Variants in TRIP6 observed in about 807,000 individuals in gnomAD.
TRIP6 encodes the protein thyroid receptor-interacting protein 6.
TRIP6 carries 33 observed loss-of-function variants against 51.9 expected under a neutral mutation model. That is an observed-to-expected ratio of 0.64 (90% CI 0.48 to 0.85). The LOEUF is 0.85. Ranked by LOEUF, TRIP6 falls within the 40% of genes least tolerant of loss-of-function variation. TRIP6 has a pLI of 0.00. For missense variants in TRIP6, 661 were observed against 652.1 expected, an observed-to-expected ratio of 1.01 and a Z score of -0.15; for synonymous variants, 255 against 275.8, an observed-to-expected ratio of 0.92 and a Z score of 0.75.
chr7:100,871,051 T>C, intron 6 of TRIP6: 1 of 556,548 alleles, frequency 1.8e-6, no homozygotes, highest in Non-Finnish European at 3.4e-6. Context: ...TTTGTTTTTT[T>C]TTGAGACAGT....
rs763400764 is a variant in TRIP6, at chr7:100,871,740, C to T, written c.1178+19C>T. The T allele has an allele frequency of 1.2e-6, 2 of 1,609,526 alleles. No individual in the cohort carries two copies. Among genetic ancestry groups the T allele is most frequent in the Non-Finnish European group, 1.7e-6 (2 of 1,176,946 alleles). On this transcript the variant is annotated intron_variant, in intron 7 of 8. Coordinates refer to ENST00000200457, the MANE Select transcript of TRIP6 (RefSeq NM_003302.3). ...TTCACAGGTCAGGCCTGGCCTCCAC[C>T]TTGTCTCACAATGTCTGACCTTTCC...
At chr7:100,868,468 C>A in intron 3 of TRIP6, 27 bp from the exon 4 acceptor site, 1 of 1,612,918 alleles carries the variant, frequency 6.2e-7, no homozygotes, top group Non-Finnish European at 8.5e-7. Flanking sequence ...TCCTTGCTTA[C>A]GACTTCTGGC....
chr7:100,867,552 C>T lies in TRIP6; in HGVS notation c.55C>T (p.Gln19Ter). The change falls in exon 1 of 9, where the codon CAG becomes TAG. Residue 19 changes from glutamine to a stop codon, truncating the protein, a stop_gained. Transcript: ENST00000200457. LOFTEE classifies it high-confidence loss of function. This position sits in a 1 kb window ranked among gnomAD's most constrained non-coding sequence, Gnocchi z 5.4. ...PKQPEPARAP[Q>*]GRAIPRGTPG... ...GCAGCCGGAGCCCGCCAGAGCCCCT[C>T]AGGGGAGGGCGATCCCCCGCGGCAC... is the stretch of plus-strand genomic sequence containing the variant. 1 of 1,540,000 alleles carries T rather than the reference C, an allele frequency of 6.5e-7. No individual in the cohort carries two copies. Among genetic ancestry groups the T allele is most frequent in the Non-Finnish European group, 8.7e-7 (1 of 1,145,220 alleles).
chr7:100,872,713 G>A lies in TRIP6; in HGVS notation c.1268G>A (p.Arg423Gln), dbSNP rs142590694. The A allele has an allele frequency of 5.0e-6, 8 of 1,614,014 alleles. No individual in the cohort carries two copies. The African/African-American group carries it at 8.0e-5, about 16-fold the overall frequency. The stretch of plus-strand genomic sequence containing the variant: ...ACTGTGAGAATTGTTGCTCTGGATC[G>A]AAGTTTTCACATTGGCTGTTACAAG... ...EETVRIVALD[R>Q]SFHIGCYKCE... Residue 423 changes from arginine (R) to glutamine (Q), a missense_variant, in exon 8 of 9, where the codon CGA becomes CAA. Coordinates refer to ENST00000200457, the MANE Select transcript of TRIP6 (RefSeq NM_003302.3).
chr7:100,870,814 A>G, intron 6 of TRIP6, 71 bp downstream of exon 6: 1 of 1,532,388 alleles, frequency 6.5e-7, no homozygotes, highest in Non-Finnish European at 8.8e-7. Flanking sequence ...GGTGGTAACT[A>G]GAGCGTCCAA....
In TRIP6 at chr7:100,867,770, AG is replaced by A. The variant is rs1305522210; in HGVS notation, c.110-89del. On this transcript the variant is annotated intron_variant, in intron 1 of 8. Transcript: ENST00000200457. The surrounding 1 kb of genome is among the most constrained non-coding windows in gnomAD (Gnocchi z 5.4). ...CTTGGGACCCTAGATTTGGGGGAGGAGGTAACGAGAGGCGGAGAGGGTGGCT... is the reference window on the plus strand; with the variant it reads ...CTTGGGACCCTAGATTTGGGGGAGGAGTAACGAGAGGCGGAGAGGGTGGCT... The A allele has an allele frequency of 1.1e-5, 17 of 1,508,106 alleles. No homozygotes were observed. The highest frequency in any genetic ancestry group is 1.5e-5 in the Non-Finnish European group (17 of 1,130,758). 93.4% of individuals were successfully genotyped at this position (1,508,106 alleles called of 1,614,324 possible). A position where few individuals can be genotyped will look rare whatever the true frequency, so the allele number is the denominator to read the frequency against.
rs1055149272 is a variant in TRIP6 at position 100,867,399 on chromosome 7, C to T, written c.-99C>T. ...AAAAAAAAAAGCCAGAAAAAGTTTT[C>T]TTTTCTGGAGTCCCAAACGAGGTGC... On this transcript the variant is annotated 5_prime_UTR_variant, in exon 1 of 9. Transcript: ENST00000200457. The surrounding 1 kb of genome is among the most constrained non-coding windows in gnomAD (Gnocchi z 5.4). The T allele has an allele frequency of 9.9e-6, 9 of 912,530 alleles. No individual in the cohort carries two copies. Among genetic ancestry groups the T allele is most frequent in the Non-Finnish European group, 1.2e-5 (8 of 649,198 alleles). The allele number at this position is 912,530 out of a possible 1,614,324, so 56.5% of individuals were successfully genotyped here.
intron 7 of TRIP6, 76 bp from the exon 8 acceptor site, chr7:100,872,548 C>A: frequency 6.3e-7 from 1 of 1,588,080 alleles, no homozygotes; most frequent in Non-Finnish European, 8.6e-7. Flanking sequence ...TCCTGTGCCC[C>A]ACCTTCTCTG....
intron 4 of TRIP6, 50 bp downstream of exon 4, chr7:100,868,916 G>A (rs201624785): frequency 3.1e-4 from 449 of 1,446,680 alleles, no homozygotes; most frequent in Middle Eastern, 5.3e-4. Context: ...ATGGGACACC[G>A]ACTGGGTGGG....
In TRIP6 at chr7:100,873,289, AC is replaced by A. The variant is rs754293788; in HGVS notation, c.1419del (p.Thr474LeufsTer7). 1.2e-6 allele frequency: 2 copies of A among 1,609,310 alleles called. No homozygotes were observed. Among genetic ancestry groups the A allele is most frequent in the South Asian group, 2.2e-5 (2 of 91,000 alleles). ...CATCCAGGAGCTCTCAGCCACCGTC[AC>A]CACTGACTGCTGAGTCTTCCTAGAA... ...WRIQELSATV[T>X]TDC On this transcript the variant is annotated frameshift_variant, in exon 9 of 9. Transcript: ENST00000200457. LOFTEE classifies it high-confidence loss of function.
rs1437169861 is a variant in TRIP6 at position 100,867,540 on chromosome 7, G to C, written c.43G>C (p.Ala15Pro). The C allele has an allele frequency of 6.5e-7, 1 of 1,531,852 alleles. No homozygotes were observed. The highest frequency in any genetic ancestry group is 8.8e-7 in the Non-Finnish European group (1 of 1,141,304). The allele number at this position is 1,531,852 out of a possible 1,614,324, so 94.9% of individuals were successfully genotyped here. A position where few individuals can be genotyped will look rare whatever the true frequency, so the allele number is the denominator to read the frequency against. ...TWLPPKQPEP[A>P]RAPQGRAIPR... ...GCTGCCCCCGAAGCAGCCGGAGCCC[G>C]CCAGAGCCCCTCAGGGGAGGGCGAT... Residue 15 changes from alanine to proline, a missense_variant, in exon 1 of 9, where the codon GCC becomes CCC. Physicochemically the swap from Ala to Pro is conservative, Grantham distance 27 (BLOSUM62 -1). Transcript: ENST00000200457. The surrounding 1 kb of genome is among the most constrained non-coding windows in gnomAD (Gnocchi z 5.4).
In TRIP6 at chr7:100,867,452, G is replaced by C; in HGVS notation, c.-46G>C. 7.4e-7 allele frequency: 1 copy of C among 1,351,696 alleles called. No individual in the cohort carries two copies. Among genetic ancestry groups the C allele is most frequent in the Non-Finnish European group, 9.7e-7 (1 of 1,026,552 alleles). The allele number at this position is 1,351,696 out of a possible 1,614,324, so 83.7% of individuals were successfully genotyped here. On this transcript the variant is annotated 5_prime_UTR_variant, in exon 1 of 9. Transcript: ENST00000200457. This position sits in a 1 kb window ranked among gnomAD's most constrained non-coding sequence, Gnocchi z 5.4. ...GACGGAAGAGGGGGTGAAGGCCAGA[G>C]GCTCGGGGCTTCAAGACCGCTGTCT...
rs150723390 is a variant in TRIP6, at chr7:100,872,302, G to A, written c.1179-322G>A. ...CCTGCCTCGGCCGCCCAAAGTGCAGGGATAGCAGGCGTAAGCCACTGCACC... is the reference window on the plus strand; with the variant it reads ...CCTGCCTCGGCCGCCCAAAGTGCAGAGATAGCAGGCGTAAGCCACTGCACC... On this transcript the variant is annotated intron_variant, in intron 7 of 8. Coordinates refer to ENST00000200457, the MANE Select transcript of TRIP6 (RefSeq NM_003302.3). Among the ~76,000 whole-genome samples, 1,419 of 151,886 alleles carry A rather than the reference G, an allele frequency of 9.3e-3. 12 individuals are homozygous for A. Among genetic ancestry groups the A allele is most frequent in the Non-Finnish European group, 0.016 (1,082 of 67,958 alleles).
At position 100,868,185 on chromosome 7, in the gene TRIP6, C is replaced by A. The variant is rs144580285; in HGVS notation, c.315C>A (p.Ala105=). The change falls in exon 3 of 9, where the codon GCC becomes GCA. Residue 105 remains alanine (A), a synonymous_variant. Transcript: ENST00000200457. ...TAGACTTGCTGAGCAGCACGCTGGC[C>A]GAGCTGAATGGGGGTCGGGGTCATG... is the stretch of plus-strand genomic sequence containing the variant. ...AEIDLLSSTL[A]ELNGGRGHAS... is the part of the protein sequence containing the mutation. 1 of 1,609,410 alleles carries A rather than the reference C, an allele frequency of 6.2e-7. No individual in the cohort carries two copies. Among genetic ancestry groups the A allele is most frequent in the South Asian group, 1.1e-5 (1 of 90,716 alleles).
intron 7 of TRIP6, among the ~76,000 whole-genome samples, chr7:100,872,181 G>GTTTTTTTTTTTTTTTT (rs34239953): frequency 3.1e-5 from 3 of 95,586 alleles, no homozygotes; most frequent in Non-Finnish European, 5.7e-5. Context: ...CGCCTGGCTA[G>GTTTTTTTTTTTTTTTT]TTTTTTTTTT....
chr7:100,867,941 CG>C lies in TRIP6; in HGVS notation c.195del (p.Pro66ArgfsTer32), dbSNP rs1051963697. ...CYQAPGGPED[R>X]GPAWVGSHGV... ...CCAGGCCCCAGGGGGACCGGAGGATCGGGGGCCGGCGTGGGTGGGGTCCCAT... is the reference window on the plus strand; with the variant it reads ...CCAGGCCCCAGGGGGACCGGAGGATCGGGGCCGGCGTGGGTGGGGTCCCAT... On this transcript the variant is annotated frameshift_variant, in exon 2 of 9. Transcript: ENST00000200457. LOFTEE classifies it high-confidence loss of function. This position sits in a 1 kb window ranked among gnomAD's most constrained non-coding sequence, Gnocchi z 5.4. The C allele has an allele frequency of 2.1e-5, 32 of 1,514,328 alleles. No individual in the cohort carries two copies. The highest frequency in any genetic ancestry group is 2.8e-5 in the African/African-American group (2 of 71,038). 93.8% of individuals were successfully genotyped at this position (1,514,328 alleles called of 1,614,324 possible).
rs201314785 is a variant in TRIP6 at position 100,868,682 on chromosome 7, C to T, written c.551C>T (p.Pro184Leu). Residue 184 changes from proline to leucine, a missense_variant, in exon 4 of 9, where the codon CCC (proline) becomes CTC (leucine). Pro to Leu is a moderately conservative substitution (Grantham distance 98). Coordinates refer to ENST00000200457, the MANE Select transcript of TRIP6 (RefSeq NM_003302.3). ...CAGCCAGTGAGGGGCTGCGGCCCACCCAGGCGGGGAGCCTCTCAGGCCTCT... is the reference window on the plus strand; with the variant it reads ...CAGCCAGTGAGGGGCTGCGGCCCACTCAGGCGGGGAGCCTCTCAGGCCTCT... ...VAQPVRGCGP[P>L]RRGASQASGP... is the part of the protein sequence containing the mutation. 8.7e-5 allele frequency: 140 copies of T among 1,603,318 alleles called. No individual in the cohort carries two copies. In the African/African-American group the frequency reaches 1.7e-3, roughly 20 times the overall value.
Position 100,868,096 on chromosome 7 carries a change from C to T in TRIP6, c.238-12C>T, listed in dbSNP as rs1815183907. 2.5e-6 allele frequency: 4 copies of T among 1,612,606 alleles called. No homozygotes were observed. The highest frequency in any genetic ancestry group is 1.3e-5 in the African/African-American group (1 of 74,894). The stretch of plus-strand genomic sequence containing the variant: ...GTGATTTGCATTCTTCCTGCCCTGG[C>T]TCCATCCTCAGGGGCTCCCTGCAGA... On this transcript the variant is annotated splice_polypyrimidine_tract_variant and intron_variant, in intron 2 of 8. Coordinates refer to ENST00000200457, the MANE Select transcript of TRIP6 (RefSeq NM_003302.3).
chr7:100,870,547 A>G, intron 5 of TRIP6, 27 bp from the exon 6 acceptor site: 6 of 1,609,756 alleles, frequency 3.7e-6, no homozygotes, highest in Non-Finnish European at 5.1e-6. Context: ...GTCTGTGAAG[A>G]CTGATGCTGT....
Sources: allele counts gnomAD v4.1 joint callset (sites outside exome capture counted in the v4.1 genomes callset), GRCh38; gene constraint gnomAD v4.1.1; non-coding constraint Gnocchi (gnomAD v3.1); transcripts MANE v1.5; gene names NCBI Gene and HGNC (gene_info 2026-07-23, HGNC 2026-07-21).